Variants in SAFB2 observed in about 807,000 individuals in gnomAD.
SAFB2 encodes the protein scaffold attachment factor B2.
In SAFB2, 32 loss-of-function variants were observed where a neutral mutation model predicts 100.6. That is an observed-to-expected ratio of 0.32 (90% confidence interval 0.24 to 0.43). The LOEUF is 0.43. SAFB2 is among the 20% of genes least tolerant of loss of function. The pLI is 1.00. For missense variants in SAFB2, 1,185 were observed against 1,163.4 expected, an observed-to-expected ratio of 1.02 and a Z score of -0.27; for synonymous variants, 500 against 439.4, an observed-to-expected ratio of 1.14 and a Z score of -1.72.
At chr19:5,622,438 A>C in intron 1 of SAFB2, 92 bp downstream of exon 1, 2 of 1,319,216 alleles carry the variant, frequency 1.5e-6, no homozygotes, top group Non-Finnish European at 2.0e-6. Context: ...GGGCGAACCC[A>C]GGGCGCCCCG....
At chr19:5,588,908 T>C (rs2052325849) in intron 18 of SAFB2, 1 of 152,208 alleles carries the variant, frequency 6.6e-6, no homozygotes, top group Non-Finnish European at 1.5e-5. Context: ...TCAGACAAAC[T>C]CTGGGAGATG....
chr19:5,590,515 G>C, intron 17 of SAFB2, 107 bp from the exon 18 acceptor site: 1 of 1,280,050 alleles, frequency 7.8e-7, no homozygotes, highest in Non-Finnish European at 1.1e-6. Flanking sequence ...GTGGGGCGGA[G>C]CTGAGAGAGG....
chr19:5,606,009 G>A (rs2073650373), intron 9 of SAFB2, among the ~76,000 whole-genome samples: 1 of 152,164 alleles, frequency 6.6e-6, no homozygotes, highest in South Asian at 2.1e-4. Flanking sequence ...CCAGAGGCTG[G>A]GACAGCACCA....
Position 5,587,731 on chromosome 19 carries a change from C to T in SAFB2, c.2675G>A (p.Gly892Glu). The T allele has an allele frequency of 6.4e-7, 1 of 1,552,430 alleles. No individual in the cohort carries two copies. The highest frequency in any genetic ancestry group is 8.7e-7 in the Non-Finnish European group (1 of 1,147,518). ...CACTCCACCGCGGCTTGCCATGTGCCCCGGCCCCGAGGGCCCAGACAGGCC... is the reference window on the plus strand; with the variant it reads ...CACTCCACCGCGGCTTGCCATGTGCTCCGGCCCCGAGGGCCCAGACAGGCC... ...ERGLSGPSGPGHMASRGGVAG... is the reference protein window; with the variant it reads ...ERGLSGPSGPEHMASRGGVAG... Residue 892 changes from glycine (G) to glutamate (E), a missense_variant, in exon 20 of 21, where the codon GGG becomes GAG. Gly to Glu is a moderately conservative substitution (Grantham distance 98). Transcript: ENST00000252542. The surrounding 1 kb of genome is among the most constrained non-coding windows in gnomAD (Gnocchi z 4.9).
chr19:5,592,381 G>A (rs1482887813), intron 16 of SAFB2, among the ~76,000 whole-genome samples: 2 of 152,138 alleles, frequency 1.3e-5, no homozygotes, highest in Non-Finnish European at 2.9e-5. Context: ...CAGGCCTCAT[G>A]AGAAATTTTG....
intron 2 of SAFB2, among the ~76,000 whole-genome samples, chr19:5,618,115 C>T (rs1274998603): frequency 1.3e-5 from 2 of 152,246 alleles, no homozygotes; most frequent in South Asian, 4.1e-4. Context: ...CCGCTCTGGG[C>T]AACAGAGTAA....
intron 6 of SAFB2, chr19:5,612,300 T>C: frequency 5.4e-6 from 3 of 558,810 alleles, no homozygotes; most frequent in Non-Finnish European, 6.3e-6. Flanking sequence ...TCTACGTGGT[T>C]AGACATGAAA....
At chr19:5,610,744 T>C in intron 7 of SAFB2, 56 bp from the exon 8 acceptor site, 2 of 1,236,238 alleles carry the variant, frequency 1.6e-6, no homozygotes, top group Non-Finnish European at 1.2e-6. Context: ...AGAACAAAAC[T>C]AAAAATATGA....
At chr19:5,596,306 G>T (rs2052535000) in intron 13 of SAFB2, among the ~76,000 whole-genome samples, 1 of 152,174 alleles carries the variant, frequency 6.6e-6, no homozygotes, top group Non-Finnish European at 1.5e-5. Flanking sequence ...ATGCAAAACA[G>T]TGCTCCTAAT....
intron 15 of SAFB2, 143 bp downstream of exon 15, chr19:5,593,748 G>A (rs1248348504): frequency 2.3e-6 from 2 of 865,140 alleles, no homozygotes; most frequent in Admixed American, 3.7e-5. Context: ...TGAGATCGGC[G>A]GGGGGTCCCC....
chr19:5,608,748 T>A (rs536761010), intron 9 of SAFB2, among the ~76,000 whole-genome samples: 1 of 152,080 alleles, frequency 6.6e-6, no homozygotes, highest in African/African-American at 2.4e-5. Context: ...GCAGTGCCAA[T>A]TGCTTACCAG....
chr19:5,592,871 A>G lies in SAFB2; in HGVS notation c.2224T>C (p.Trp742Arg), dbSNP rs770423703. The G allele has an allele frequency of 6.2e-7, 1 of 1,614,126 alleles. No individual in the cohort carries two copies. The highest frequency in any genetic ancestry group is 8.5e-7 in the Non-Finnish European group (1 of 1,179,994). ...YDLDRRDDAY[W>R]PEGKRVAMED... Reference sequence around the variant, plus strand: ...ATTGCCACACGCTTTCCTTCTGGCCAATAGGCATCATCTCGTCTGTTGGTT... The same window carrying G: ...ATTGCCACACGCTTTCCTTCTGGCCGATAGGCATCATCTCGTCTGTTGGTT... The change falls in exon 16 of 21, where the codon TGG becomes CGG. Residue 742 changes from tryptophan (W) to arginine (R), a missense_variant. Trp to Arg is a moderately radical substitution (Grantham distance 101). Transcript: ENST00000252542.
intron 1 of SAFB2, 139 bp from the exon 2 acceptor site, chr19:5,621,535 A>G: frequency 1.5e-6 from 1 of 684,682 alleles, no homozygotes; most frequent in Non-Finnish European, 2.7e-6. Context: ...TCTGGGCCGC[A>G]AGCCCAAAAG....
intron 8 of SAFB2, 131 bp downstream of exon 8, chr19:5,610,508 C>CATTA: frequency 1.4e-6 from 1 of 705,500 alleles, no homozygotes; most frequent in East Asian, 2.8e-5. Flanking sequence ...CTCAAGAAAC[C>CATTA]ATTAGGTGGT....
chr19:5,597,718 G>C (rs529113028), intron 13 of SAFB2, among the ~76,000 whole-genome samples: 4 of 152,156 alleles, frequency 2.6e-5, no homozygotes, highest in Admixed American at 6.5e-5. Flanking sequence ...AGTTACATGG[G>C]GGTAAGAGTA....
At chr19:5,602,479 CAAAAAAAAAAAAAAA>C (rs35472223) in intron 11 of SAFB2, among the ~76,000 whole-genome samples, 2 of 39,532 alleles carry the variant, frequency 5.1e-5, no homozygotes, top group African/African-American at 2.2e-4. Context: ...GACTCTGTCT[CAAAAAAAAAAAAAAA>C]AAAAAAAAAA....
At chr19:5,592,675 T>C in intron 16 of SAFB2, 72 bp downstream of exon 16, 2 of 1,574,570 alleles carry the variant, frequency 1.3e-6, no homozygotes, top group Non-Finnish European at 1.7e-6. Flanking sequence ...TGCACTGGGC[T>C]GAGAACGAGG....
chr19:5,599,262 G>C (rs776756052), intron 12 of SAFB2, among the ~76,000 whole-genome samples: 6 of 152,148 alleles, frequency 3.9e-5, no homozygotes, highest in Non-Finnish European at 7.3e-5. Flanking sequence ...GCAGTATCCA[G>C]CCTGTGCTAG....
chr19:5,593,420 G>T (rs2052458785), intron 15 of SAFB2, among the ~76,000 whole-genome samples: 2 of 152,194 alleles, frequency 1.3e-5, no homozygotes, highest in Non-Finnish European at 2.9e-5. Flanking sequence ...CAATTAAGCC[G>T]CCTGGGGTAG....
Sources: gnomAD v4.1 joint callset for allele counts (sites outside exome capture counted in the v4.1 genomes callset) on GRCh38, gnomAD v4.1.1 for gene constraint, Gnocchi (gnomAD v3.1) non-coding constraint, MANE v1.5 for transcripts, NCBI Gene and HGNC (gene_info 2026-07-23, HGNC 2026-07-21) for gene names.